The following FER1L6 variants were observed in gnomAD, a reference collection of about 807,000 sequenced individuals.
FER1L6 encodes the protein fer-1-like protein 6.
Under a neutral mutation model 219.2 loss-of-function variants are expected in FER1L6, and 177 were observed. The observed-to-expected ratio is 0.81, with a 90% CI of 0.71 to 0.91. FER1L6 has a LOEUF of 0.91. Ranked by LOEUF, FER1L6 falls within the 40% of genes least tolerant of loss-of-function variation. The pLI is 0.00. For synonymous variants in FER1L6, 768 were observed against 824.3 expected (o/e 0.93, Z 1.17); for missense variants, 2,153 against 2,259.9 (o/e 0.95, Z 0.96).
intron 37 of FER1L6, 35 bp downstream of exon 37, chr8:124,097,918 C>G (rs756804803): frequency 9.2e-7 from 1 of 1,091,918 alleles, no homozygotes; most frequent in South Asian, 1.2e-5. Flanking sequence ...CTCCCATTTC[C>G]TTCCCTCCTC....
intron 8 of FER1L6, 71 bp from the exon 9 acceptor site, chr8:123,975,827 A>G: frequency 7.9e-7 from 1 of 1,269,162 alleles, no homozygotes; most frequent in East Asian, 2.4e-5. Context: ...CTGCCTCCAA[A>G]TTGCTCCTGT....
At chr8:123,899,614 A>G (rs546304765) in intron 1 of FER1L6, among the ~76,000 whole-genome samples, 1 of 152,108 alleles carries the variant, frequency 6.6e-6, no homozygotes, top group Non-Finnish European at 1.5e-5. Context: ...AGTTTTTCCA[A>G]TGTTATCTGC....
intron 1 of FER1L6, among the ~76,000 whole-genome samples, chr8:123,886,088 T>C (rs1817196025): frequency 6.6e-6 from 1 of 152,190 alleles, no homozygotes; most frequent in Admixed American, 6.5e-5. Context: ...CCTAACACTC[T>C]GTACTTCCCT....
chr8:124,098,190 T>C (rs1236364161), intron 37 of FER1L6, among the ~76,000 whole-genome samples: 1 of 152,136 alleles, frequency 6.6e-6, no homozygotes, highest in Non-Finnish European at 1.5e-5. Context: ...GGAAGCAGAG[T>C]GATGTGGTGC....
chr8:123,930,198 G>A (rs1181056418), intron 1 of FER1L6, among the ~76,000 whole-genome samples: 1 of 152,156 alleles, frequency 6.6e-6, no homozygotes, highest in East Asian at 1.9e-4. Flanking sequence ...GTGTGTGGAT[G>A]TGAATGTGTG....
At chr8:124,100,631 C>G (rs1187702762) in intron 37 of FER1L6, among the ~76,000 whole-genome samples, 3 of 152,120 alleles carry the variant, frequency 2.0e-5, no homozygotes, top group African/African-American at 7.2e-5. Context: ...TGGCATAGGT[C>G]TGACAACCCA....
intron 12 of FER1L6, among the ~76,000 whole-genome samples, chr8:124,001,791 T>C (rs1817422654): frequency 6.6e-6 from 1 of 152,194 alleles, no homozygotes; most frequent in South Asian, 2.1e-4. Context: ...ACACAAAAAT[T>C]AGCAAGATAC....
At chr8:123,881,144 T>G (rs976255196) in intron 1 of FER1L6, among the ~76,000 whole-genome samples, 1 of 152,232 alleles carries the variant, frequency 6.6e-6, no homozygotes. Context: ...CTAAGAGATA[T>G]AAATAATATC....
chr8:123,937,543 C>G (rs966049312), intron 1 of FER1L6, among the ~76,000 whole-genome samples: 9 of 152,092 alleles, frequency 5.9e-5, no homozygotes, highest in African/African-American at 9.7e-5. Context: ...ACCCTTGATA[C>G]TCACGTTGGA....
Position 124,103,271 on chromosome 8 carries a change from C to A in FER1L6, c.5251C>A (p.Arg1751Ser). 1 of 1,613,974 alleles carries A rather than the reference C, an allele frequency of 6.2e-7. No individual in the cohort carries two copies. The highest frequency in any genetic ancestry group is 8.5e-7 in the Non-Finnish European group (1 of 1,179,968). ...CTCTATATTCCAGCAAAAACGTGTG[C>A]GTGGCTGGTGGCCTTTTTCTAAAAG... ...KISIFQQKRV[R>S]GWWPFSKSKE... is the part of the protein sequence containing the mutation. Residue 1751 changes from arginine to serine, a missense_variant, in exon 39 of 41, where the codon CGT (arginine) becomes AGT (serine). By Grantham distance (110) the Arg-to-Ser change is moderately radical (BLOSUM62 -1). Transcript: ENST00000522917.
chr8:123,874,801 T>C (rs571670856), intron 1 of FER1L6, among the ~76,000 whole-genome samples: 2 of 152,312 alleles, frequency 1.3e-5, no homozygotes, highest in East Asian at 3.9e-4. Context: ...CTCTAGTGGA[T>C]CAAATGTATA....
At chr8:123,942,848 T>C (rs1254829487) in intron 1 of FER1L6, among the ~76,000 whole-genome samples, 1 of 152,252 alleles carries the variant, frequency 6.6e-6, no homozygotes, top group East Asian at 1.9e-4. Flanking sequence ...TTCAATTCAC[T>C]ACAGGTGGTT....
intron 21 of FER1L6, chr8:124,047,762 A>AT (rs1270054722): frequency 6.6e-6 from 1 of 152,224 alleles, no homozygotes; most frequent in Non-Finnish European, 1.5e-5. Flanking sequence ...AGGGAAATAC[A>AT]TGTAGACATG....
chr8:123,919,140 C>T (rs914777606), intron 1 of FER1L6, among the ~76,000 whole-genome samples: 1 of 152,082 alleles, frequency 6.6e-6, no homozygotes, highest in Non-Finnish European at 1.5e-5. Flanking sequence ...AGGGAGGGGG[C>T]CCCCAAGTCT....
chr8:124,098,568 T>C (rs1366595718), intron 37 of FER1L6, among the ~76,000 whole-genome samples: 1 of 152,032 alleles, frequency 6.6e-6, no homozygotes, highest in Non-Finnish European at 1.5e-5. Context: ...TTTTTCACAA[T>C]AAAAATATAG....
intron 20 of FER1L6, chr8:124,040,345 G>T: frequency 3.4e-6 from 1 of 298,488 alleles, no homozygotes. Context: ...AGATCAACCT[G>T]CAGGAGGTTT....
At chr8:124,086,795 C>A (rs1401842233) in intron 33 of FER1L6, among the ~76,000 whole-genome samples, 1 of 152,154 alleles carries the variant, frequency 6.6e-6, no homozygotes, top group Non-Finnish European at 1.5e-5. Flanking sequence ...TGAAATCCCT[C>A]AGAGTTTGTC....
intron 12 of FER1L6, among the ~76,000 whole-genome samples, chr8:123,987,302 C>A (rs1478406979): frequency 2.0e-5 from 3 of 152,058 alleles, no homozygotes; most frequent in Non-Finnish European, 4.4e-5. Context: ...TGCTTGTTTG[C>A]CATTTGTATG....
At chr8:124,071,776 C>T (rs1403356802) in intron 31 of FER1L6, 145 bp downstream of exon 31, 1 of 1,093,426 alleles carries the variant, frequency 9.1e-7, no homozygotes, top group East Asian at 2.6e-5. Context: ...CAAGTTGCTA[C>T]CAGGGTTGGT....
Sources: allele counts gnomAD v4.1 joint callset (sites outside exome capture counted in the v4.1 genomes callset), GRCh38; gene constraint gnomAD v4.1.1; transcripts MANE v1.5; gene names NCBI Gene and HGNC (gene_info 2026-07-23, HGNC 2026-07-21).